MARCHF7: variants seen among roughly 807,000 people sequenced by gnomAD.
The protein encoded by MARCHF7 is E3 ubiquitin-protein ligase MARCHF7.
A neutral mutation model predicts 76.5 loss-of-function variants in MARCHF7; 20 were observed. The observed-to-expected ratio is 0.26, with a 90% CI of 0.18 to 0.38. MARCHF7 has a LOEUF of 0.38. Ranked by LOEUF, MARCHF7 falls within the 10% of genes least tolerant of loss-of-function variation. The pLI is 1.00. For synonymous variants in MARCHF7, 295 were observed against 293.0 expected (o/e 1.01, Z -0.07); for missense variants, 797 against 812.9 (o/e 0.98, Z 0.24).
chr2:159,742,763 C>T (rs999848601), intron 4 of MARCHF7, among the ~76,000 whole-genome samples: 1 of 151,972 alleles, frequency 6.6e-6, no homozygotes, highest in African/African-American at 2.4e-5. Flanking sequence ...ATGGTGAAAC[C>T]CTGTCTCTAC....
intron 8 of MARCHF7, among the ~76,000 whole-genome samples, chr2:159,753,567 G>A (rs1411488268): frequency 6.6e-6 from 1 of 151,192 alleles, no homozygotes; most frequent in Non-Finnish European, 1.5e-5. Context: ...AAAAAAAGTT[G>A]AGATGAGAAA....
chr2:159,721,079 C>T (rs952218582), intron 3 of MARCHF7, among the ~76,000 whole-genome samples: 2 of 150,294 alleles, frequency 1.3e-5, no homozygotes, highest in African/African-American at 4.9e-5. Context: ...GTTGGCCAGG[C>T]TGGTCTTGAA....
intron 8 of MARCHF7, among the ~76,000 whole-genome samples, chr2:159,758,590 T>C (rs1381974370): frequency 6.6e-6 from 1 of 152,252 alleles, no homozygotes; most frequent in African/African-American, 2.4e-5. Flanking sequence ...AGTAGAATCA[T>C]AAAATATTTG....
At chr2:159,753,968 GAAATAGGAAGCTGA>G (rs556241425) in intron 8 of MARCHF7, among the ~76,000 whole-genome samples, 2 of 152,266 alleles carry the variant, frequency 1.3e-5, no homozygotes, top group South Asian at 4.1e-4. Flanking sequence ...TCCTTTTACT[GAAATAGGAAGCTGA>G]AAAGGGAACC....
intron 4 of MARCHF7, among the ~76,000 whole-genome samples, chr2:159,732,311 ATTC>A (rs1233766528): frequency 6.6e-6 from 1 of 152,176 alleles, no homozygotes; most frequent in Non-Finnish European, 1.5e-5. Flanking sequence ...ATCTTTATTG[ATTC>A]TTAAGATAAA....
intron 11 of MARCHF7, among the ~76,000 whole-genome samples, chr2:159,766,029 TC>T (rs1218060131): frequency 1.3e-5 from 2 of 152,000 alleles, no homozygotes; most frequent in Non-Finnish European, 2.9e-5. Context: ...AAATTTAGTT[TC>T]TTAAACATAG....
At chr2:159,727,340 C>G (rs887859364) in intron 3 of MARCHF7, among the ~76,000 whole-genome samples, 5 of 152,218 alleles carry the variant, frequency 3.3e-5, no homozygotes, top group Admixed American at 6.5e-5. Context: ...GTAATCCCAG[C>G]ACTTTGGGAG....
intron 4 of MARCHF7, among the ~76,000 whole-genome samples, chr2:159,736,875 A>C (rs1703519838): frequency 6.6e-6 from 1 of 152,184 alleles, no homozygotes; most frequent in South Asian, 2.1e-4. Flanking sequence ...TCTCAGATAC[A>C]CTATATAGTA....
chr2:159,759,868 G>A (rs563929069), intron 9 of MARCHF7, among the ~76,000 whole-genome samples: 1 of 152,266 alleles, frequency 6.6e-6, no homozygotes, highest in East Asian at 1.9e-4. Flanking sequence ...AGGCTAAGAC[G>A]GGATGACTGT....
intron 3 of MARCHF7, among the ~76,000 whole-genome samples, chr2:159,724,647 T>C (rs1284117232): frequency 2.0e-5 from 3 of 152,216 alleles, no homozygotes; most frequent in Non-Finnish European, 4.4e-5. Flanking sequence ...TTTATAATGC[T>C]GTCTTTGTAT....
intron 4 of MARCHF7, among the ~76,000 whole-genome samples, chr2:159,741,693 T>G (rs1490742097): frequency 1.3e-5 from 2 of 152,254 alleles, no homozygotes; most frequent in African/African-American, 4.8e-5. Context: ...TTAACTCTTT[T>G]GTTAAACAGA....
Position 159,733,775 on chromosome 2 carries a change from A to G in MARCHF7, c.153+4600A>G, listed in dbSNP as rs966509371. 15 of 985,264 alleles carry G rather than the reference A, an allele frequency of 1.5e-5. No individual in the cohort carries two copies. The African/African-American group carries it at 2.3e-4, about 15-fold the overall frequency. The allele number at this position is 985,264 out of a possible 1,614,324, so 61.0% of individuals were successfully genotyped here. On this transcript the variant is annotated intron_variant, in intron 4 of 11. Transcript: ENST00000409175. ...TTACTTCTGTTTTTAGTTAACATGG[A>G]TATTTGTGTCAGTTCATCGATAAGG...
In MARCHF7 at chr2:159,752,414, G is replaced by C; in HGVS notation, c.1626G>C (p.Glu542Asp). The C allele has an allele frequency of 6.3e-7, 1 of 1,588,620 alleles. No individual in the cohort carries two copies. Among genetic ancestry groups the C allele is most frequent in the African/African-American group, 1.4e-5 (1 of 73,662 alleles). The stretch of plus-strand genomic sequence containing the variant: ...CCTTCTTTTCCAGCCTCCTTTTAGA[G>C]GACTCAGAAGAAGAAGAAGGTGACT... ...LQKIKESLLL[E>D]DSEEEEGDLC... is the part of the protein sequence containing the mutation. Residue 542 changes from glutamate (E) to aspartate (D), a missense_variant, in exon 8 of 12, where the codon GAG becomes GAC. Glu to Asp is a conservative substitution (Grantham distance 45). Around this residue, in one of 3 missense-constraint regions of MARCHF7, gnomAD observed 643 missense variants for 631.5 expected, o/e 1.02. Transcript: ENST00000409175.
chr2:159,715,143 T>C (rs1389121810), intron 2 of MARCHF7, among the ~76,000 whole-genome samples: 1 of 152,236 alleles, frequency 6.6e-6, no homozygotes, highest in Non-Finnish European at 1.5e-5. Flanking sequence ...AATGAAGCTT[T>C]TAACTGTTAA....
chr2:159,758,882 C>T (rs963317617), intron 8 of MARCHF7, among the ~76,000 whole-genome samples: 54 of 152,148 alleles, frequency 3.5e-4, no homozygotes, highest in African/African-American at 1.2e-3. Context: ...CATGGCATCA[C>T]GTCAAAGTAC....
chr2:159,745,893 T>G lies in MARCHF7; in HGVS notation c.470T>G (p.Leu157Arg), dbSNP rs1574355600. Residue 157 changes from leucine (L) to arginine (R), a missense_variant, in exon 6 of 12, where the codon CTT becomes CGT. Physicochemically the swap from Leu to Arg is moderately radical, Grantham distance 102. Around this residue, in one of 3 missense-constraint regions of MARCHF7, gnomAD observed 643 missense variants for 631.5 expected, o/e 1.02. Transcript: ENST00000409175. ...AGAACAGATTCCTCTATTAGTAATC[T>G]TATGGATTATAGTCACCGAAGTGGT... ...ERRTDSSISN[L>R]MDYSHRSGDF... 1 of 1,612,900 alleles carries G rather than the reference T, an allele frequency of 6.2e-7. No individual in the cohort carries two copies. Among genetic ancestry groups the G allele is most frequent in the African/African-American group, 1.3e-5 (1 of 74,998 alleles).
intron 3 of MARCHF7, among the ~76,000 whole-genome samples, chr2:159,717,728 CAATT>C (rs1267065066): frequency 6.6e-6 from 1 of 151,892 alleles, no homozygotes; most frequent in African/African-American, 2.4e-5. Flanking sequence ...TTGTTGCCCT[CAATT>C]AACAAAGTAC....
At position 159,770,805 on chromosome 2, in the gene MARCHF7, A is replaced by G. The variant is rs753942664; in HGVS notation, c.*3463A>G. The stretch of plus-strand genomic sequence containing the variant: ...TGTGTAAATACAAGCTGATTTTCAC[A>G]CAAGATTCCCTAACTATGCATTTCT... On this transcript the variant is annotated 3_prime_UTR_variant, in exon 12 of 12. Transcript: ENST00000409175. 1 of 152,210 alleles carries G rather than the reference A, an allele frequency of 6.6e-6. No homozygotes were observed. The highest frequency in any genetic ancestry group is 1.5e-5 in the Non-Finnish European group (1 of 68,020). The allele number at this position is 152,210 out of a possible 1,614,324, so 9.4% of individuals were successfully genotyped here.
chr2:159,734,082 A>G, intron 4 of MARCHF7: 2 of 1,341,456 alleles, frequency 1.5e-6, no homozygotes, highest in Non-Finnish European at 9.8e-7. Context: ...CTTTAGTAAC[A>G]GTAAGCAAAA....
Sources: allele counts gnomAD v4.1 joint callset (sites outside exome capture counted in the v4.1 genomes callset), GRCh38; gene constraint gnomAD v4.1.1; regional missense constraint gnomAD v4.1.1; transcripts MANE v1.5; gene names NCBI Gene and HGNC (gene_info 2026-07-23, HGNC 2026-07-21).